Variants in NLGN1 observed in about 807,000 individuals in gnomAD.
NLGN1 encodes the protein neuroligin-1.
Under a neutral mutation model 65.5 loss-of-function variants are expected in NLGN1, and 12 were observed. The observed-to-expected ratio is 0.18, with a 90% CI of 0.12 to 0.30. The LOEUF is 0.30. Among genes scored for constraint, NLGN1 ranks in the 10% least tolerant of loss-of-function variants. NLGN1 has a pLI of 1.00. For missense variants in NLGN1, 750 were observed against 1,007.1 expected (o/e 0.74, Z 3.46); for synonymous variants, 350 against 359.5 (o/e 0.97, Z 0.30).
intron 3 of NLGN1, among the ~76,000 whole-genome samples, chr3:173,752,139 A>C (rs1776390527): frequency 2.0e-5 from 3 of 152,104 alleles, no homozygotes; most frequent in Non-Finnish European, 4.4e-5. Context: ...TCACAAATGT[A>C]AGTTATTTCC....
intron 2 of NLGN1, among the ~76,000 whole-genome samples, chr3:173,576,698 C>T (rs1201254670): frequency 6.6e-6 from 1 of 152,038 alleles, no homozygotes. Flanking sequence ...GTAATCTCTC[C>T]ATCTCAAGAT....
chr3:174,157,737 A>G (rs1451869190), intron 4 of NLGN1, among the ~76,000 whole-genome samples: 1 of 151,774 alleles, frequency 6.6e-6, no homozygotes, highest in Non-Finnish European at 1.5e-5. Flanking sequence ...ATTTTCAGTG[A>G]TCTCTTTTCC....
rs561629056 is a variant in NLGN1, at chr3:174,225,079, C to T, written c.647-50236C>T. On this transcript the variant is annotated intron_variant, in intron 4 of 6. Coordinates refer to ENST00000457714, the Ensembl canonical transcript of NLGN1. ...GGAAAAATACAAGTATCTTAAATAT[C>T]TCAGTAATCCCTTACTTTGGTTGGG... Among the ~76,000 whole-genome samples the T allele has an allele frequency of 5.9e-5, 9 of 152,266 alleles. No homozygotes were observed. In the South Asian group the frequency reaches 1.9e-3, roughly 32 times the overall value.
chr3:173,729,079 A>C (rs1241152376), intron 3 of NLGN1, among the ~76,000 whole-genome samples: 1 of 152,088 alleles, frequency 6.6e-6, no homozygotes, highest in African/African-American at 2.4e-5. Flanking sequence ...ATATACTTTT[A>C]AAATGAAAAC....
intron 4 of NLGN1, among the ~76,000 whole-genome samples, chr3:174,120,850 T>G (rs1717618955): frequency 6.6e-6 from 1 of 152,204 alleles, no homozygotes; most frequent in South Asian, 2.1e-4. Context: ...GCCTTGGAAC[T>G]CAAACATAAT....
rs748911027 is a variant in NLGN1 at position 174,234,985 on chromosome 3, C to CTTTTTT, written c.647-40305_647-40300dup. ...GAGCTTTGTAAAATAAAGGAATCACCTTTTTTTTTTTTTTTTTTTTTTTTT... is the reference window on the plus strand; with the variant it reads ...GAGCTTTGTAAAATAAAGGAATCACCTTTTTTTTTTTTTTTTTTTTTTTTTTTTTTT... On this transcript the variant is annotated intron_variant, in intron 4 of 6. Transcript: ENST00000457714. 5.4e-3 allele frequency among the ~76,000 whole-genome samples: 353 copies of CTTTTTT among 65,730 alleles called. 96 individuals carry two copies. Among genetic ancestry groups the CTTTTTT allele is most frequent in the African/African-American group, 0.025 (313 of 12,476 alleles). 43.1% of individuals were successfully genotyped at this position (65,730 alleles called of 152,430 possible).
At chr3:173,872,031 G>A (rs1026096275) in intron 4 of NLGN1, among the ~76,000 whole-genome samples, 5 of 152,268 alleles carry the variant, frequency 3.3e-5, no homozygotes, top group South Asian at 4.2e-4. Flanking sequence ...ATGGCCCACC[G>A]TGAGGGGGGG....
At chr3:173,766,822 G>A (rs1159554290) in intron 3 of NLGN1, among the ~76,000 whole-genome samples, 1 of 152,082 alleles carries the variant, frequency 6.6e-6, no homozygotes, top group Non-Finnish European at 1.5e-5. Context: ...TTAAATCAAA[G>A]CCAGATTGGA....
At chr3:173,406,601 T>A (rs962250409) in intron 1 of NLGN1, among the ~76,000 whole-genome samples, 2 of 149,522 alleles carry the variant, frequency 1.3e-5, no homozygotes, top group African/African-American at 4.9e-5. Context: ...TATATATATA[T>A]AAATCAAAGG....
chr3:174,137,740 A>G (rs528602247), intron 4 of NLGN1, among the ~76,000 whole-genome samples: 70 of 152,244 alleles, frequency 4.6e-4, no homozygotes, highest in Non-Finnish European at 8.4e-4. Context: ...CTATAGTTCT[A>G]TATTATTTTA....
intron 4 of NLGN1, among the ~76,000 whole-genome samples, chr3:173,941,684 A>G (rs1393240383): frequency 4.6e-5 from 7 of 151,926 alleles, no homozygotes; most frequent in Non-Finnish European, 8.8e-5. Flanking sequence ...AAAAATATGT[A>G]TATATATAGT....
intron 4 of NLGN1, among the ~76,000 whole-genome samples, chr3:173,884,426 T>G (rs1006859067): frequency 6.6e-6 from 1 of 152,174 alleles, no homozygotes; most frequent in Non-Finnish European, 1.5e-5. Flanking sequence ...TGATTTATGA[T>G]GTGTGCTATA....
chr3:173,604,326 G>T, exon 3 of NLGN1: 3 of 416,844 alleles, frequency 7.2e-6, no homozygotes, highest in African/African-American at 2.0e-5. Flanking sequence ...AGAGAAATCT[G>T]CAGTCAATGC....
chr3:173,798,617 T>C (rs955452917), intron 3 of NLGN1, among the ~76,000 whole-genome samples: 1 of 152,100 alleles, frequency 6.6e-6, no homozygotes, highest in Non-Finnish European at 1.5e-5. Flanking sequence ...TGAGTGTCAA[T>C]TAATATAAAT....
intron 3 of NLGN1, among the ~76,000 whole-genome samples, chr3:173,760,785 C>G (rs1382776111): frequency 6.6e-6 from 1 of 152,016 alleles, no homozygotes; most frequent in Non-Finnish European, 1.5e-5. Flanking sequence ...ATTCTGCCCT[C>G]AGTCACAGGT....
At chr3:173,963,422 C>A (rs560520290) in intron 4 of NLGN1, among the ~76,000 whole-genome samples, 1 of 152,256 alleles carries the variant, frequency 6.6e-6, no homozygotes, top group South Asian at 2.1e-4. Flanking sequence ...TCACAGGTTA[C>A]ATTTTACATG....
At chr3:173,692,069 G>A (rs944097310) in intron 3 of NLGN1, among the ~76,000 whole-genome samples, 37 of 152,126 alleles carry the variant, frequency 2.4e-4, no homozygotes, top group Admixed American at 6.6e-4. Context: ...TATTTTTCAC[G>A]TAGCAGTTAC....
intron 3 of NLGN1, among the ~76,000 whole-genome samples, chr3:173,738,512 A>G (rs1774125955): frequency 6.6e-6 from 1 of 152,048 alleles, no homozygotes; most frequent in Non-Finnish European, 1.5e-5. Flanking sequence ...TCTTTCCCCA[A>G]TGCATTTTCT....
chr3:173,485,636 C>A (rs1472858629), intron 2 of NLGN1, among the ~76,000 whole-genome samples: 1 of 152,116 alleles, frequency 6.6e-6, no homozygotes, highest in Admixed American at 6.5e-5. Context: ...ACATAATTTT[C>A]TGCAAAGAAT....
Sources: allele counts gnomAD v4.1 joint callset (sites outside exome capture counted in the v4.1 genomes callset), GRCh38; gene constraint gnomAD v4.1.1; transcripts MANE v1.5; gene names NCBI Gene and HGNC (gene_info 2026-07-23, HGNC 2026-07-21).